The following PPOX variants were observed in gnomAD, a reference collection of about 807,000 sequenced individuals.
PPOX encodes the protein protoporphyrinogen oxidase.
In PPOX, 23 loss-of-function variants were observed where a neutral mutation model predicts 54.1. The ratio of observed to expected loss-of-function variants is 0.43; its 90% CI spans 0.31 to 0.60. PPOX has a LOEUF of 0.60. Ranked by LOEUF, PPOX falls within the 20% of genes least tolerant of loss-of-function variation. The probability of loss-of-function intolerance (pLI) is 0.13; values close to 1 mark genes in which losing one functional copy is unlikely to be tolerated. For missense variants in PPOX, 512 were observed against 601.1 expected (o/e 0.85, Z 1.55); for synonymous variants, 224 against 236.1 (o/e 0.95, Z 0.47).
downstream of PPOX, chr1:161,175,375 A>T (rs1016599166): frequency 4.1e-6 from 3 of 731,654 alleles, no homozygotes; most frequent in African/African-American, 5.4e-5. Flanking sequence ...GCCTTGGATT[A>T]CCTATCACTG....
At chr1:161,168,312 C>G (rs1483030516) in intron 5 of PPOX, 120 bp from the exon 6 acceptor site, 1 of 1,558,488 alleles carries the variant, frequency 6.4e-7, no homozygotes, top group East Asian at 2.2e-5. Context: ...CCATCCGTCA[C>G]AGTGGGAATG....
At chr1:161,169,635 C>A (rs768452127) in intron 7 of PPOX, 25 bp from the exon 8 acceptor site, 2 of 1,610,904 alleles carry the variant, frequency 1.2e-6, no homozygotes, top group Non-Finnish European at 1.7e-6. Context: ...TTTTCTGGGT[C>A]TCTCAAATGT....
intron 7 of PPOX, 150 bp downstream of exon 7, chr1:161,169,333 C>A: frequency 2.1e-6 from 2 of 944,296 alleles, no homozygotes; most frequent in Admixed American, 2.3e-5. Flanking sequence ...GAATCCTAGG[C>A]CCTATTTGTG....
At chr1:161,170,052 C>A (rs1308078611) in intron 9 of PPOX, 28 bp downstream of exon 9, 2 of 1,595,882 alleles carry the variant, frequency 1.3e-6, no homozygotes. Flanking sequence ...AGAGGCTGGG[C>A]ATGGTGGCTC....
In PPOX at chr1:161,170,916, C is replaced by T. The variant is rs1558039294; in HGVS notation, c.1258C>T (p.Pro420Ser). ...TCTCCTCTCTTCTCAGAACTGCATT[C>T]CCCAGTATACACTAGGTCACTGGCA... The part of the protein sequence containing the change: ...CLVHLHKNCI[P>S]QYTLGHWQKL... Residue 420 changes from proline to serine, a missense_variant, in exon 12 of 13, where the codon CCC becomes TCC. Physicochemically the swap from Pro to Ser is moderately conservative, Grantham distance 74 (BLOSUM62 -1). Transcript: ENST00000367999. 6.2e-7 allele frequency: 1 copy of T among 1,614,044 alleles called. No homozygotes were observed. The highest frequency in any genetic ancestry group is 1.1e-5 in the South Asian group (1 of 91,086).
chr1:161,171,165 C>G lies in PPOX; in HGVS notation c.1423C>G (p.Pro475Ala), dbSNP rs1661292052. The G allele has an allele frequency of 1.9e-6, 3 of 1,613,342 alleles. No individual in the cohort carries two copies. The African/African-American group carries it at 4.0e-5, about 22-fold the overall frequency. Residue 475 changes from proline (P) to alanine (A), a missense_variant, in exon 13 of 13, where the codon CCT becomes GCT. Physicochemically the swap from Pro to Ala is conservative, Grantham distance 27. Transcript: ENST00000367999. ...AGCAGTCAGTGTCCTGGGCACAGAA[C>G]CTAACAGCTGATCCCCAACTCTCAT... is the stretch of plus-strand genomic sequence containing the variant. ...QAAVSVLGTE[P>A]NS
downstream of PPOX, chr1:161,171,253 A>G (rs780789443): frequency 5.0e-5 from 81 of 1,608,360 alleles, no homozygotes; most frequent in Non-Finnish European, 6.3e-5. Context: ...TATAGGCATA[A>G]GAATGCGGGG....
At chr1:161,176,522 T>C in intron 4 of PPOX, 2 of 400,026 alleles carry the variant, frequency 5.0e-6, no homozygotes, top group Non-Finnish European at 4.6e-6. Context: ...AAATTGGAAA[T>C]GTCACAGAGG....
At chr1:161,166,317 G>A (rs550047706), upstream of PPOX, 19 of 1,026,028 alleles carry the variant, frequency 1.9e-5, no homozygotes, top group East Asian at 8.4e-5. Flanking sequence ...CCGTCGCTCC[G>A]CCTCTGCCAG....
At chr1:161,171,385 T>C (rs1453404795), downstream of PPOX, 13 of 853,364 alleles carry the variant, frequency 1.5e-5, no homozygotes, top group Non-Finnish European at 2.0e-5. Context: ...AGGGAGCTAT[T>C]CCAGCATAGG....
chr1:161,172,258 C>T, downstream of PPOX: 1 of 1,614,142 alleles, frequency 6.2e-7, no homozygotes, highest in South Asian at 1.1e-5. Flanking sequence ...CCCTTATCTC[C>T]TCGGTGCTTC....
upstream of PPOX, chr1:161,166,193 C>CGCTA (rs960778798): frequency 6.1e-6 from 6 of 975,952 alleles, no homozygotes; most frequent in African/African-American, 1.1e-4. Flanking sequence ...TGCTGGGGAA[C>CGCTA]GCTAACTCCA....
downstream of PPOX, chr1:161,175,742 A>G (rs2101970778): frequency 6.3e-7 from 1 of 1,582,096 alleles, no homozygotes; most frequent in Non-Finnish European, 8.6e-7. Flanking sequence ...ATGCCTCCCT[A>G]TCCCCAAGCC....
rs1247963274 is a variant in PPOX, at chr1:161,167,658, G to C, written c.338+172G>C. On this transcript the variant is annotated intron_variant, in intron 4 of 12. Transcript: ENST00000367999. ...TGGCTCACTGCAACTTCCGCCTTTC[G>C]GGTTCAAGCGATTCTCCTGCCTCAG... The C allele has an allele frequency of 4.2e-6, 4 of 957,716 alleles. No individual in the cohort carries two copies. The African/African-American group carries it at 5.4e-5, about 13-fold the overall frequency. 59.3% of individuals were successfully genotyped at this position (957,716 alleles called of 1,614,324 possible). A position where few individuals can be genotyped will look rare whatever the true frequency, so the allele number is the denominator to read the frequency against.
At position 161,168,540 on chromosome 1, in the gene PPOX, C is replaced by T. The variant is rs746870149; in HGVS notation, c.580C>T (p.His194Tyr). 3.1e-6 allele frequency: 5 copies of T among 1,614,130 alleles called. No individual in the cohort carries two copies. Among genetic ancestry groups the T allele is most frequent in the Admixed American group, 1.7e-5 (1 of 60,028 alleles). The change falls in exon 6 of 13, where the codon CAT (histidine) becomes TAT (tyrosine). Residue 194 changes from histidine (H) to tyrosine (Y), a missense_variant. His to Tyr is a moderately conservative substitution (Grantham distance 83). Coordinates refer to ENST00000367999, the MANE Select transcript of PPOX (RefSeq NM_001122764.3). ...FPSLFQAEQT[H>Y]RSILLGLLLG... ...CAGTCTCTTCCAAGCTGAGCAAACC[C>T]ATCGTTCCATATTACTGGGCCTGCT... is the stretch of plus-strand genomic sequence containing the variant.
intron 9 of PPOX, 125 bp from the exon 10 acceptor site, chr1:161,170,284 C>T (rs1660757294): frequency 1.1e-6 from 1 of 911,558 alleles, no homozygotes; most frequent in South Asian, 1.4e-5. Flanking sequence ...GAGATCTCGC[C>T]ATTACACTCC....
chr1:161,166,520 C>A lies in PPOX; in HGVS notation c.-161C>A. The A allele has an allele frequency of 7.4e-7, 1 of 1,350,266 alleles. No homozygotes were observed. Among genetic ancestry groups the A allele is most frequent in the Non-Finnish European group, 9.6e-7 (1 of 1,046,002 alleles). The allele number at this position is 1,350,266 out of a possible 1,614,324, so 83.6% of individuals were successfully genotyped here. A position where few individuals can be genotyped will look rare whatever the true frequency, so the allele number is the denominator to read the frequency against. The stretch of plus-strand genomic sequence containing the variant: ...CAGAGGTGTGGCAAGCAGAGCACCT[C>A]AGAACTCAGGCGTACTGCCCGCCGC... On this transcript the variant is annotated 5_prime_UTR_variant, in exon 1 of 13. Transcript: ENST00000367999.
At chr1:161,169,310 A>G (rs1571373029) in intron 7 of PPOX, 127 bp downstream of exon 7, 2 of 1,134,696 alleles carry the variant, frequency 1.8e-6, no homozygotes, top group Non-Finnish European at 1.3e-6. Flanking sequence ...CTACTTAGAC[A>G]TGGGCTACCC....
At chr1:161,176,532 G>A in intron 4 of PPOX, 1 of 429,016 alleles carries the variant, frequency 2.3e-6, no homozygotes, top group South Asian at 2.9e-5. Context: ...TGTCACAGAG[G>A]GCAGAGAAAG....
Sources: gnomAD v4.1 joint callset for allele counts on GRCh38, gnomAD v4.1.1 for gene constraint, MANE v1.5 for transcripts, NCBI Gene and HGNC (gene_info 2026-07-23, HGNC 2026-07-21) for gene names.